Variants in NT5DC1 observed in about 807,000 individuals in gnomAD.
The protein encoded by NT5DC1 is 5'-nucleotidase domain containing 1.
In NT5DC1, 42 loss-of-function variants were observed where a neutral mutation model predicts 59.4. The ratio of observed to expected loss-of-function variants is 0.71; its 90% CI spans 0.55 to 0.92. NT5DC1 has a LOEUF of 0.92. Among genes scored for constraint, NT5DC1 ranks in the 40% least tolerant of loss-of-function variants. The pLI, the probability that NT5DC1 is intolerant of heterozygous loss-of-function variation, is 0.00. For synonymous variants in NT5DC1, 172 were observed against 188.1 expected, an observed-to-expected ratio of 0.91 and a Z score of 0.70; for missense variants, 501 against 537.1, an observed-to-expected ratio of 0.93 and a Z score of 0.66.
intron 6 of NT5DC1, chr6:116,145,334 G>A (rs764706352): frequency 6.6e-5 from 16 of 243,232 alleles, no homozygotes; most frequent in Non-Finnish European, 1.1e-4. Context: ...TCTGAGTTCA[G>A]TAACTCTATG....
intron 6 of NT5DC1, among the ~76,000 whole-genome samples, chr6:116,164,554 T>C (rs1466149956): frequency 1.3e-5 from 2 of 152,232 alleles, no homozygotes; most frequent in Non-Finnish European, 2.9e-5. Flanking sequence ...CTAATCTATC[T>C]CTTTCAAGTA....
chr6:116,142,701 A>G (rs1260190436), intron 6 of NT5DC1, among the ~76,000 whole-genome samples: 1 of 152,202 alleles, frequency 6.6e-6, no homozygotes, highest in Non-Finnish European at 1.5e-5. Context: ...GCAGTGAAAT[A>G]TATTAATAGT....
At chr6:116,115,024 C>G (rs1371280287) in intron 4 of NT5DC1, among the ~76,000 whole-genome samples, 2 of 152,148 alleles carry the variant, frequency 1.3e-5, no homozygotes, top group Admixed American at 6.5e-5. Context: ...AGTGTCTGTT[C>G]AGGGACAGCA....
At chr6:116,148,453 C>T (rs1297790444) in intron 6 of NT5DC1, among the ~76,000 whole-genome samples, 1 of 152,140 alleles carries the variant, frequency 6.6e-6, no homozygotes, top group African/African-American at 2.4e-5. Context: ...AACTGTGATC[C>T]TAAAATTACA....
At chr6:116,232,320 G>C (rs565201159) in intron 8 of NT5DC1, among the ~76,000 whole-genome samples, 111 of 152,202 alleles carry the variant, frequency 7.3e-4, no homozygotes, top group Non-Finnish European at 1.4e-3. Flanking sequence ...TACATATGCT[G>C]AAACTCATCA....
chr6:116,183,180 C>T (rs569970283), intron 6 of NT5DC1, among the ~76,000 whole-genome samples: 1 of 151,910 alleles, frequency 6.6e-6, no homozygotes, highest in Non-Finnish European at 1.5e-5. Context: ...GATCAGTAGG[C>T]TGTAAGTATT....
At chr6:116,224,446 C>T (rs954575639) in intron 8 of NT5DC1, among the ~76,000 whole-genome samples, 4 of 152,266 alleles carry the variant, frequency 2.6e-5, no homozygotes, top group South Asian at 2.1e-4. Context: ...GATTGTAGCA[C>T]GTGTCATGAA....
intron 6 of NT5DC1, among the ~76,000 whole-genome samples, chr6:116,143,857 G>A (rs1779825536): frequency 6.6e-6 from 1 of 152,142 alleles, no homozygotes; most frequent in Non-Finnish European, 1.5e-5. Flanking sequence ...CAAGTTTGTA[G>A]TAGTGTTTGG....
chr6:116,212,455 A>C (rs775646375), intron 6 of NT5DC1, among the ~76,000 whole-genome samples: 26 of 152,130 alleles, frequency 1.7e-4, no homozygotes, highest in Admixed American at 6.6e-5. Flanking sequence ...TTGTGATTAT[A>C]ATCTTTATGT....
chr6:116,189,110 A>C (rs572318958), intron 6 of NT5DC1, among the ~76,000 whole-genome samples: 1 of 152,008 alleles, frequency 6.6e-6, no homozygotes, highest in South Asian at 2.1e-4. Flanking sequence ...TATTTTAATC[A>C]AGTTGAAATG....
chr6:116,175,652 A>G (rs989691318), intron 6 of NT5DC1, among the ~76,000 whole-genome samples: 35 of 152,106 alleles, frequency 2.3e-4, no homozygotes, highest in African/African-American at 7.7e-4. Flanking sequence ...GGTAAATTCT[A>G]TTGACTACTG....
At chr6:116,169,816 G>A (rs1562148685) in intron 6 of NT5DC1, among the ~76,000 whole-genome samples, 1 of 152,150 alleles carries the variant, frequency 6.6e-6, no homozygotes, top group African/African-American at 2.4e-5. Context: ...TTGAAAGTGT[G>A]TATAGATGAT....
chr6:116,178,462 C>T (rs1562152671), intron 6 of NT5DC1, among the ~76,000 whole-genome samples: 1 of 152,094 alleles, frequency 6.6e-6, no homozygotes, highest in Non-Finnish European at 1.5e-5. Context: ...ATTGAGTGGT[C>T]AAAACCTGGA....
intron 6 of NT5DC1, among the ~76,000 whole-genome samples, chr6:116,158,113 A>G (rs1780242625): frequency 6.6e-6 from 1 of 152,232 alleles, no homozygotes; most frequent in Non-Finnish European, 1.5e-5. Context: ...TCTAGTTTCA[A>G]TAGCTATTAA....
chr6:116,102,762 G>A (rs1414581416), intron 1 of NT5DC1, among the ~76,000 whole-genome samples: 1 of 151,902 alleles, frequency 6.6e-6, no homozygotes. Context: ...TGAGCACCAT[G>A]CTAGAGCTGA....
intron 4 of NT5DC1, among the ~76,000 whole-genome samples, chr6:116,114,580 G>A (rs1416118801): frequency 6.7e-6 from 1 of 149,952 alleles, no homozygotes; most frequent in Non-Finnish European, 1.5e-5. Flanking sequence ...ATGTATTCAA[G>A]CACCTTATTA....
intron 6 of NT5DC1, among the ~76,000 whole-genome samples, chr6:116,170,470 C>T (rs1780580386): frequency 6.6e-6 from 1 of 152,088 alleles, no homozygotes; most frequent in African/African-American, 2.4e-5. Flanking sequence ...ACCATTTTCT[C>T]ATAGAAATGG....
chr6:116,128,772 G>T (rs1240969025), intron 6 of NT5DC1, among the ~76,000 whole-genome samples: 1 of 152,030 alleles, frequency 6.6e-6, no homozygotes, highest in African/African-American at 2.4e-5. Flanking sequence ...AAATAGTGGT[G>T]GTTCAAAGAC....
chr6:116,241,317 A>G (rs1370676555), intron 11 of NT5DC1, among the ~76,000 whole-genome samples: 1 of 152,210 alleles, frequency 6.6e-6, no homozygotes, highest in Non-Finnish European at 1.5e-5. Flanking sequence ...TGGTGTAAGT[A>G]TATGAATAAA....
Sources: gnomAD v4.1 joint callset for allele counts (sites outside exome capture counted in the v4.1 genomes callset) on GRCh38, gnomAD v4.1.1 for gene constraint, MANE v1.5 for transcripts, NCBI Gene and HGNC (gene_info 2026-07-23, HGNC 2026-07-21) for gene names.